RPL19: variants seen among roughly 807,000 people sequenced by gnomAD.
The protein encoded by RPL19 is large ribosomal subunit protein eL19.
A neutral mutation model predicts 25.1 loss-of-function variants in RPL19; 2 were observed. The ratio of observed to expected loss-of-function variants is 0.08; its 90% CI spans 0.03 to 0.25. RPL19 has a LOEUF of 0.25. Ranked by LOEUF, RPL19 falls within the 10% of genes least tolerant of loss-of-function variation. The probability of loss-of-function intolerance (pLI) is 1.00; values close to 1 mark genes in which losing one functional copy is unlikely to be tolerated. For synonymous variants in RPL19, 89 were observed against 91.2 expected, an observed-to-expected ratio of 0.98 and a Z score of 0.14; for missense variants, 123 against 271.8, an observed-to-expected ratio of 0.45 and a Z score of 3.85.
chr17:39,203,533 C>CA (rs1172050703), intron 4 of RPL19, among the ~76,000 whole-genome samples: 2 of 129,650 alleles, frequency 1.5e-5, no homozygotes, highest in Non-Finnish European at 3.3e-5. Context: ...TTTTTGGAGA[C>CA]AGAGTCTCGC....
chr17:39,202,495 A>G, intron 3 of RPL19, 56 bp downstream of exon 3: 1 of 1,599,042 alleles, frequency 6.3e-7, no homozygotes, highest in Non-Finnish European at 8.6e-7. Context: ...CTATGCTGAA[A>G]TATATTCAGG....
At chr17:39,201,416 T>TTA in intron 2 of RPL19, 97 bp downstream of exon 2, 1 of 710,506 alleles carries the variant, frequency 1.4e-6, no homozygotes. Flanking sequence ...TTTTTTTTTT[T>TTA]AGACAGTCTT....
In RPL19 at chr17:39,200,397, G is replaced by A. The variant is rs369364397; in HGVS notation, c.5+48G>A. 80 of 1,527,776 alleles carry A rather than the reference G, an allele frequency of 5.2e-5. No homozygotes were observed. The African/African-American group carries it at 8.7e-4, about 17-fold the overall frequency. The allele number at this position is 1,527,776 out of a possible 1,614,324, so 94.6% of individuals were successfully genotyped here. ...CAGGCGCTGACGCGTGTCGACAAGG[G>A]ACTGTCGGTCTTGGGACCGCAGCTG... On this transcript the variant is annotated intron_variant, in intron 1 of 5. Transcript: ENST00000225430.
intron 2 of RPL19, 29 bp downstream of exon 2, chr17:39,201,348 C>G: frequency 7.9e-7 from 1 of 1,266,552 alleles, no homozygotes; most frequent in Non-Finnish European, 1.1e-6. Context: ...TCTCTTCACC[C>G]TACTTCCTTC....
At position 39,200,431 on chromosome 17, in the gene RPL19, G is replaced by C. The variant is rs878861224; in HGVS notation, c.5+82G>C. 13 of 1,406,186 alleles carry C rather than the reference G, an allele frequency of 9.2e-6. No homozygotes were observed. The Admixed American group carries it at 3.3e-4, about 35-fold the overall frequency. The allele number at this position is 1,406,186 out of a possible 1,614,324, so 87.1% of individuals were successfully genotyped here. A position where few individuals can be genotyped will look rare whatever the true frequency, so the allele number is the denominator to read the frequency against. ...TCTTGGGACCGCAGCTGGGGTTGGG[G>C]GAGATGAAATGGAGGCCGCCCTAAA... is the stretch of plus-strand genomic sequence containing the variant. On this transcript the variant is annotated intron_variant, in intron 1 of 5. Transcript: ENST00000225430.
intron 2 of RPL19, 137 bp from the exon 3 acceptor site, chr17:39,202,177 CAAG>C: frequency 9.5e-7 from 1 of 1,052,908 alleles, no homozygotes; most frequent in Non-Finnish European, 1.4e-6. Context: ...TTTTTGAAGG[CAAG>C]AAATAAGTTC....
intron 3 of RPL19, 120 bp from the exon 4 acceptor site, chr17:39,202,869 T>G: frequency 9.0e-7 from 1 of 1,116,218 alleles, no homozygotes; most frequent in Non-Finnish European, 1.3e-6. Context: ...TAATGCTACT[T>G]AAAATGAGGT....
At position 39,200,331 on chromosome 17, in the gene RPL19, C is replaced by T. The variant is rs1227067756; in HGVS notation, c.-14C>T. On this transcript the variant is annotated 5_prime_UTR_variant, in exon 1 of 6. Coordinates refer to ENST00000225430, the MANE Select transcript of RPL19 (RefSeq NM_000981.4). ...CCGAGCGAGCTCTTTCCTTTCGCTGCTGCGGCCGCAGCCATGAGGTGAGGG... is the reference window on the plus strand; with the variant it reads ...CCGAGCGAGCTCTTTCCTTTCGCTGTTGCGGCCGCAGCCATGAGGTGAGGG... The T allele has an allele frequency of 5.1e-6, 8 of 1,556,734 alleles. No homozygotes were observed. In the East Asian group the frequency reaches 1.2e-4, roughly 23 times the overall value.
intron 2 of RPL19, 52 bp from the exon 3 acceptor site, chr17:39,202,265 T>C (rs2046295768): frequency 6.2e-7 from 1 of 1,610,630 alleles, no homozygotes; most frequent in Non-Finnish European, 8.5e-7. Flanking sequence ...ATTTGGACTC[T>C]GTGATGTGCT....
At chr17:39,200,779 G>C in intron 1 of RPL19, 4 of 1,042,898 alleles carry the variant, frequency 3.8e-6, no homozygotes, top group Non-Finnish European at 3.5e-6. Flanking sequence ...CACTCCTTTG[G>C]CCTCTCATAA....
chr17:39,202,394 C>T lies in RPL19; in HGVS notation c.190C>T (p.Arg64Trp), dbSNP rs2228666. The T allele has an allele frequency of 9.9e-6, 16 of 1,614,020 alleles. No homozygotes were observed. The highest frequency in any genetic ancestry group is 2.7e-5 in the African/African-American group (2 of 74,906). ...GACGGTCCATTCCCGGGCTCGATGC[C>T]GGAAAAACACCTTGGCCCGCCGGAA... is the stretch of plus-strand genomic sequence containing the variant. The part of the protein sequence containing the change: ...PVTVHSRARC[R>W]KNTLARRKGR... The change falls in exon 3 of 6, where the codon CGG becomes TGG. Residue 64 changes from arginine to tryptophan, a missense_variant. Transcript: ENST00000225430.
At position 39,202,397 on chromosome 17, in the gene RPL19, A is replaced by C. The variant is rs751640256; in HGVS notation, c.193A>C (p.Lys65Gln). 1 of 1,614,098 alleles carries C rather than the reference A, an allele frequency of 6.2e-7. No individual in the cohort carries two copies. The highest frequency in any genetic ancestry group is 8.5e-7 in the Non-Finnish European group (1 of 1,180,034). ...GGTCCATTCCCGGGCTCGATGCCGG[A>C]AAAACACCTTGGCCCGCCGGAAGGG... ...VTVHSRARCR[K>Q]NTLARRKGRH... The change falls in exon 3 of 6, where the codon AAA becomes CAA. Residue 65 changes from lysine (K) to glutamine (Q), a missense_variant. By Grantham distance (53) the Lys-to-Gln change is moderately conservative. Coordinates refer to ENST00000225430, the MANE Select transcript of RPL19 (RefSeq NM_000981.4).
intron 5 of RPL19, 70 bp from the exon 6 acceptor site, chr17:39,204,455 G>A (rs1017689399): frequency 1.3e-5 from 20 of 1,576,782 alleles, no homozygotes; most frequent in African/African-American, 6.8e-5. Flanking sequence ...AGAGGTCTGG[G>A]GATGTGCTTC....
At chr17:39,203,255 C>T (rs2046303291) in intron 4 of RPL19, 146 bp downstream of exon 4, 1 of 796,212 alleles carries the variant, frequency 1.3e-6, no homozygotes, top group Non-Finnish European at 1.9e-6. Flanking sequence ...GATCTCAGCT[C>T]ACTACAACCT....
intron 1 of RPL19, chr17:39,200,826 C>A: frequency 1.0e-6 from 1 of 954,948 alleles, no homozygotes; most frequent in Non-Finnish European, 1.3e-6. Context: ...AGGCTTGTTA[C>A]TGTGATAAAA....
chr17:39,200,519 G>C (rs1024817144), intron 1 of RPL19, 170 bp downstream of exon 1: 28 of 1,299,788 alleles, frequency 2.2e-5, no homozygotes, highest in African/African-American at 1.8e-4. Context: ...CGGAGTGAGG[G>C]GGGGCGGGGA....
At chr17:39,202,204 C>A in intron 2 of RPL19, 113 bp from the exon 3 acceptor site, 1 of 1,334,004 alleles carries the variant, frequency 7.5e-7, no homozygotes, top group South Asian at 1.3e-5. Flanking sequence ...TGTTTCCATC[C>A]TTTTTGAGAC....
chr17:39,200,287 A>C lies in RPL19; in HGVS notation c.-58A>C, dbSNP rs1172602908. Reference sequence around the variant, plus strand: ...AGGGTTTGGGCTCTCCCCTTCGCAGATAATGGGAGGAGCCGGGCCCGAGCG... The same window carrying C: ...AGGGTTTGGGCTCTCCCCTTCGCAGCTAATGGGAGGAGCCGGGCCCGAGCG... On this transcript the variant is annotated 5_prime_UTR_variant, in exon 1 of 6. Coordinates refer to ENST00000225430, the MANE Select transcript of RPL19 (RefSeq NM_000981.4). 10 of 1,486,768 alleles carry C rather than the reference A, an allele frequency of 6.7e-6. No individual in the cohort carries two copies. Among genetic ancestry groups the C allele is most frequent in the Non-Finnish European group, 9.0e-6 (10 of 1,114,212 alleles). 92.1% of individuals were successfully genotyped at this position (1,486,768 alleles called of 1,614,324 possible). A position where few individuals can be genotyped will look rare whatever the true frequency, so the allele number is the denominator to read the frequency against.
intron 2 of RPL19, 81 bp downstream of exon 2, chr17:39,201,400 C>A: frequency 1.3e-5 from 8 of 619,358 alleles, no homozygotes; most frequent in Non-Finnish European, 2.2e-5. Context: ...ATTGTGTTGA[C>A]TTTTTTTTTT....
Sources: gnomAD v4.1 joint callset for allele counts (sites outside exome capture counted in the v4.1 genomes callset) on GRCh38, gnomAD v4.1.1 for gene constraint, MANE v1.5 for transcripts, NCBI Gene and HGNC (gene_info 2026-07-23, HGNC 2026-07-21) for gene names.